Variants in NMBR observed in about 807,000 individuals in gnomAD.
NMBR encodes neuromedin-B receptor.
NMBR carries 16 observed loss-of-function variants against 20.5 expected under a neutral mutation model. That is an observed-to-expected ratio of 0.78 (90% CI 0.53 to 1.19). NMBR has a LOEUF of 1.19. NMBR is among the 50% of genes most tolerant of loss of function. The pLI is 0.00. For synonymous variants in NMBR, 212 were observed against 196.6 expected, an observed-to-expected ratio of 1.08 and a Z score of -0.65; for missense variants, 582 against 499.1, an observed-to-expected ratio of 1.17 and a Z score of -1.58.
intron 1 of NMBR, among the ~76,000 whole-genome samples, chr6:142,116,403 C>A (rs1034528828): frequency 6.6e-6 from 1 of 151,896 alleles, no homozygotes; most frequent in Non-Finnish European, 1.5e-5. Context: ...TGTTTGGACA[C>A]AAATAGAGGC....
rs1165241494 is a variant in NMBR, at chr6:142,093,993, TG to T, written c.-663-4673del. Among the ~76,000 whole-genome samples the T allele has an allele frequency of 7.3e-4, 81 of 110,592 alleles. 2 individuals are homozygous for T. The East Asian group carries it at 0.022, about 30-fold the overall frequency. 72.6% of individuals were successfully genotyped at this position (110,592 alleles called of 152,430 possible). ...TTCATATCCTTCGCCCACTCTTTGA[TG>T]GGGTTGTTTTTTTTCTTGTAAATTT... On this transcript the variant is annotated intron_variant, in intron 1 of 3. Transcript: ENST00000258042.
At chr6:142,122,981 T>A (rs1777971432) in intron 1 of NMBR, among the ~76,000 whole-genome samples, 1 of 151,898 alleles carries the variant, frequency 6.6e-6, no homozygotes, top group Non-Finnish European at 1.5e-5. Context: ...AAGGAGTAAT[T>A]TCAACTTTTA....
chr6:142,140,642 C>T (rs180980170), intron 1 of NMBR, among the ~76,000 whole-genome samples: 1 of 151,958 alleles, frequency 6.6e-6, no homozygotes, highest in Non-Finnish European at 1.5e-5. Context: ...AAAAGCCAGA[C>T]CAAATTATTA....
intron 1 of NMBR, among the ~76,000 whole-genome samples, chr6:142,108,737 T>C (rs1401272423): frequency 6.6e-6 from 1 of 152,116 alleles, no homozygotes; most frequent in East Asian, 1.9e-4. Context: ...CACCATATCA[T>C]TCTGCCCCTG....
rs1554257065 is a variant in NMBR, at chr6:142,079,104, G to GAGAA, written c.423-205_423-202dup. Among the ~76,000 whole-genome samples the GAGAA allele has an allele frequency of 4.2e-3, 244 of 58,622 alleles. 2 individuals are homozygous for GAGAA. Among genetic ancestry groups the GAGAA allele is most frequent in the South Asian group, 0.015 (26 of 1,762 alleles). The allele number at this position is 58,622 out of a possible 152,430, so 38.5% of individuals were successfully genotyped here. On this transcript the variant is annotated intron_variant, in intron 2 of 3. Coordinates refer to ENST00000258042, the MANE Select transcript of NMBR (RefSeq NM_002511.4). ...AGAAAGAAAGAGAGAAAGAGAGAGA[G>GAGAA]AGAAAGAAAGAAAGAAAGAAAGAAG...
chr6:142,142,877 G>C (rs1022396847), intron 1 of NMBR, among the ~76,000 whole-genome samples: 1 of 151,980 alleles, frequency 6.6e-6, no homozygotes, highest in Admixed American at 6.6e-5. Context: ...TTGAGTCTAG[G>C]AGTTTGAGAT....
At chr6:142,146,027 T>C (rs1458193803) in intron 1 of NMBR, among the ~76,000 whole-genome samples, 1 of 152,222 alleles carries the variant, frequency 6.6e-6, no homozygotes, top group Non-Finnish European at 1.5e-5. Context: ...TCTAGCAACT[T>C]TTGACTGGAA....
At chr6:142,077,702 G>T (rs1776977309) in intron 3 of NMBR, among the ~76,000 whole-genome samples, 1 of 152,114 alleles carries the variant, frequency 6.6e-6, no homozygotes, top group Non-Finnish European at 1.5e-5. Context: ...CTCCATCTAT[G>T]TTCTAGTAAA....
At chr6:142,105,093 T>C (rs1777635719) in intron 1 of NMBR, among the ~76,000 whole-genome samples, 1 of 139,922 alleles carries the variant, frequency 7.1e-6, no homozygotes, top group African/African-American at 2.7e-5. Context: ...CTGTACAAAG[T>C]ACATTAACAA....
intron 2 of NMBR, among the ~76,000 whole-genome samples, chr6:142,086,229 T>C (rs1369820222): frequency 6.6e-6 from 1 of 152,216 alleles, no homozygotes; most frequent in African/African-American, 2.4e-5. Context: ...GCTGAATTTC[T>C]AATCTGTTTT....
At chr6:142,143,993 G>A (rs778797360) in intron 1 of NMBR, among the ~76,000 whole-genome samples, 8 of 152,148 alleles carry the variant, frequency 5.3e-5, no homozygotes, top group Admixed American at 4.6e-4. Flanking sequence ...CATTATATTC[G>A]TATATAGTTA....
chr6:142,125,001 CA>C (rs1388550695), intron 1 of NMBR, among the ~76,000 whole-genome samples: 1 of 151,872 alleles, frequency 6.6e-6, no homozygotes, highest in East Asian at 1.9e-4. Context: ...AAGCCATCCC[CA>C]GTTCCACTCC....
At chr6:142,126,854 G>A (rs1778048952) in intron 1 of NMBR, among the ~76,000 whole-genome samples, 1 of 131,470 alleles carries the variant, frequency 7.6e-6, no homozygotes, top group Non-Finnish European at 1.6e-5. Flanking sequence ...TGCAAATAAT[G>A]TTCTCCCAAT....
intron 1 of NMBR, among the ~76,000 whole-genome samples, chr6:142,136,455 C>T (rs1388474595): frequency 2.0e-5 from 3 of 152,096 alleles, no homozygotes; most frequent in South Asian, 2.1e-4. Context: ...TGCCTGTTCA[C>T]GCTGATGGTA....
chr6:142,100,339 C>T (rs549977083), intron 1 of NMBR, among the ~76,000 whole-genome samples: 5 of 152,172 alleles, frequency 3.3e-5, no homozygotes, highest in Admixed American at 2.6e-4. Context: ...AATAAATAAA[C>T]GGTGGTACAA....
At chr6:142,137,684 C>A (rs915800719) in intron 1 of NMBR, among the ~76,000 whole-genome samples, 14 of 152,198 alleles carry the variant, frequency 9.2e-5, no homozygotes, top group East Asian at 3.9e-4. Context: ...TACCTAATTT[C>A]TTGAGAGTTT....
chr6:142,084,779 A>G (rs1324737945), intron 2 of NMBR, among the ~76,000 whole-genome samples: 2 of 152,208 alleles, frequency 1.3e-5, no homozygotes, highest in South Asian at 2.1e-4. Context: ...GCAGCTACTC[A>G]TATACAGAGA....
intron 1 of NMBR, among the ~76,000 whole-genome samples, chr6:142,126,165 C>G (rs991923887): frequency 2.0e-5 from 3 of 151,598 alleles, no homozygotes; most frequent in African/African-American, 7.3e-5. Flanking sequence ...CTGTTTCTGG[C>G]TTATTTCCCG....
At chr6:142,125,922 T>G (rs112319526) in intron 1 of NMBR, among the ~76,000 whole-genome samples, 2,326 of 151,306 alleles carry the variant, frequency 0.015, 50 homozygotes, top group South Asian at 0.07. Context: ...AAGAGTTACC[T>G]CTTACCAAAT....
Sources: allele counts gnomAD v4.1 joint callset (sites outside exome capture counted in the v4.1 genomes callset), GRCh38; gene constraint gnomAD v4.1.1; transcripts MANE v1.5; gene names NCBI Gene and HGNC (gene_info 2026-07-23, HGNC 2026-07-21).